TMEM259: variants seen among roughly 807,000 people sequenced by gnomAD.
TMEM259 encodes membralin.
A neutral mutation model predicts 46.7 loss-of-function variants in TMEM259; 26 were observed. The observed-to-expected ratio is 0.56, with a 90% CI of 0.41 to 0.77. The LOEUF is 0.77. Ranked by LOEUF, TMEM259 falls within the 30% of genes least tolerant of loss-of-function variation. The pLI, the probability that TMEM259 is intolerant of heterozygous loss-of-function variation, is 0.00. For synonymous variants in TMEM259, 494 were observed against 395.1 expected, an observed-to-expected ratio of 1.25 and a Z score of -2.97; for missense variants, 930 against 900.5, an observed-to-expected ratio of 1.03 and a Z score of -0.42.
chr19:1,015,269 C>A lies in TMEM259; in HGVS notation c.226-796G>T, dbSNP rs938419601. ...GGTGCCAGCAGCTCTCACCTGGGGG[C>A]TCCTGCCCAGGGGATGCTTGGGACA... On this transcript the variant is annotated intron_variant, in intron 1 of 10. Transcript: ENST00000356663. Among the ~76,000 whole-genome samples the A allele has an allele frequency of 2.0e-5, 3 of 152,240 alleles. No individual in the cohort carries two copies. The East Asian group carries it at 5.8e-4, about 29-fold the overall frequency.
In TMEM259 at chr19:1,010,470, C is replaced by T. The variant is rs760118582; in HGVS notation, c.1743G>A (p.Gln581=). The change falls in exon 11 of 11, where the codon CAG becomes CAA. Residue 581 remains glutamine (Q), a synonymous_variant. Transcript: ENST00000356663. ...CGGAGTCACTCGGGGGGACACTGTC[C>T]TGGGGGGCGTGGGGGAGGCCCCCAG... ...GPAGGLPHAP[Q]DSVPPSDSAA... 160 of 1,545,964 alleles carry T rather than the reference C, an allele frequency of 1.0e-4. No individual in the cohort carries two copies. Among genetic ancestry groups the T allele is most frequent in the Non-Finnish European group, 1.3e-4 (152 of 1,145,698 alleles).
At chr19:1,012,297 T>C in intron 4 of TMEM259, 109 bp from the exon 5 acceptor site, 1 of 1,507,468 alleles carries the variant, frequency 6.6e-7, no homozygotes, top group Non-Finnish European at 8.9e-7. Context: ...GCCCTGCCCA[T>C]TCTTAGGAAA....
rs1456322150 is a variant in TMEM259 at position 1,010,563 on chromosome 19, G to A, written c.1650C>T (p.Asp550=). Reference sequence around the variant, plus strand: ...CGCTCAGGCCGGACAGGAAGGAGGCGTCTGTGATGATGGCAGCGGTCTCTG... The same window carrying A: ...CGCTCAGGCCGGACAGGAAGGAGGCATCTGTGATGATGGCAGCGGTCTCTG... ...WMAETAAIIT[D]ASFLSGLSAS... Residue 550 remains aspartate (D), a synonymous_variant, in exon 11 of 11, where the codon GAC becomes GAT. Coordinates refer to ENST00000356663, the MANE Select transcript of TMEM259 (RefSeq NM_001033026.2). 39 of 1,549,416 alleles carry A rather than the reference G, an allele frequency of 2.5e-5. No individual in the cohort carries two copies. The highest frequency in any genetic ancestry group is 3.2e-5 in the Non-Finnish European group (37 of 1,147,782).
chr19:1,016,637 G>C (rs534807730), intron 1 of TMEM259, among the ~76,000 whole-genome samples: 136 of 152,318 alleles, frequency 8.9e-4, no homozygotes, highest in African/African-American at 3.2e-3. Flanking sequence ...GTTTATATAC[G>C]AGGAACTGAC....
intron 3 of TMEM259, among the ~76,000 whole-genome samples, 171 bp downstream of exon 3, chr19:1,013,070 C>T (rs761871553): frequency 4.6e-5 from 7 of 152,166 alleles, no homozygotes; most frequent in Non-Finnish European, 1.0e-4. Context: ...CTGGGGTGTC[C>T]CCACAGCCTC....
In TMEM259 at chr19:1,020,269, A is replaced by AG. The variant is rs1217694459; in HGVS notation, c.225+502dup. 2.0e-4 allele frequency among the ~76,000 whole-genome samples: 31 copies of AG among 151,834 alleles called. No homozygotes were observed. Among genetic ancestry groups the AG allele is most frequent in the African/African-American group, 7.5e-4 (31 of 41,266 alleles). ...GGAGTGGGGAGTCGACTTCCAGGACAGGGGTTGGTCCGAGGGAGACCTGCG... is the reference window on the plus strand; with the variant it reads ...GGAGTGGGGAGTCGACTTCCAGGACAGGGGGTTGGTCCGAGGGAGACCTGCG... On this transcript the variant is annotated intron_variant, in intron 1 of 10. Coordinates refer to ENST00000356663, the MANE Select transcript of TMEM259 (RefSeq NM_001033026.2). The surrounding 1 kb of genome is among the most constrained non-coding windows in gnomAD (Gnocchi z 4.0).
At position 1,020,823 on chromosome 19, in the gene TMEM259, C is replaced by T; in HGVS notation, c.174G>A (p.Arg58=). The part of the protein sequence containing the change: ...LFFKMAVTYS[R]LFPPAFRRLF... ...GACGGCGGAAGGCGGGCGGGAAGAG[C>T]CGCGAATAGGTGACAGCCATCTTGA... The change falls in exon 1 of 11, where the codon CGG becomes CGA. Residue 58 remains arginine, a synonymous_variant. Transcript: ENST00000356663. The surrounding 1 kb of genome is among the most constrained non-coding windows in gnomAD (Gnocchi z 4.0). 7.3e-7 allele frequency: 1 copy of T among 1,371,322 alleles called. No homozygotes were observed. Among genetic ancestry groups the T allele is most frequent in the Non-Finnish European group, 9.5e-7 (1 of 1,057,792 alleles). The allele number at this position is 1,371,322 out of a possible 1,614,324, so 84.9% of individuals were successfully genotyped here. A position where few individuals can be genotyped will look rare whatever the true frequency, so the allele number is the denominator to read the frequency against.
rs2039253432 is a variant in TMEM259 at position 1,020,449 on chromosome 19, G to A, written c.225+323C>T. 1.3e-5 allele frequency among the ~76,000 whole-genome samples: 2 copies of A among 148,628 alleles called. No individual in the cohort carries two copies. The highest frequency in any genetic ancestry group is 3.5e-3 in the Middle Eastern group (1 of 284). ...GGGTAGGTGGGGACCTGGGAAAGGC[G>A]GTCGCCGGGGACAGGATGGGCCCTG... On this transcript the variant is annotated intron_variant, in intron 1 of 10. Transcript: ENST00000356663. This position sits in a 1 kb window ranked among gnomAD's most constrained non-coding sequence, Gnocchi z 4.0.
chr19:1,015,996 C>T (rs12978770), intron 1 of TMEM259, among the ~76,000 whole-genome samples: 2,874 of 152,348 alleles, frequency 0.019, 56 homozygotes, highest in East Asian at 0.1. Flanking sequence ...GCACCTGGGG[C>T]GAGCCCCATC....
At chr19:1,019,364 G>A (rs1265039833) in intron 1 of TMEM259, among the ~76,000 whole-genome samples, 3 of 152,198 alleles carry the variant, frequency 2.0e-5, no homozygotes, top group African/African-American at 7.2e-5. Context: ...GAAAACCCAC[G>A]TCCACAGACC....
At position 1,011,726 on chromosome 19, in the gene TMEM259, C is replaced by A. The variant is rs747143632; in HGVS notation, c.1000+15G>T. 2.6e-6 allele frequency: 4 copies of A among 1,537,486 alleles called. No individual in the cohort carries two copies. In the South Asian group the frequency reaches 3.6e-5, roughly 14 times the overall value. On this transcript the variant is annotated intron_variant, in intron 7 of 10. Transcript: ENST00000356663. ...GGAGGACGCCCGCCCCGCCCTGCGCCGGCGGGACACTCACCGATGAAGACG... is the reference window on the plus strand; with the variant it reads ...GGAGGACGCCCGCCCCGCCCTGCGCAGGCGGGACACTCACCGATGAAGACG...
chr19:1,010,237 C>G lies in TMEM259; in HGVS notation c.*113G>C. On this transcript the variant is annotated 3_prime_UTR_variant, in exon 11 of 11. Coordinates refer to ENST00000356663, the MANE Select transcript of TMEM259 (RefSeq NM_001033026.2). ...AACCCCACGAAACCCTGAAAGCCCC[C>G]GACACAGGCTGGGCAGTCCCAGAGG... 9.3e-7 allele frequency: 1 copy of G among 1,071,440 alleles called. No homozygotes were observed. Among genetic ancestry groups the G allele is most frequent in the East Asian group, 3.0e-5 (1 of 33,142 alleles). 66.4% of individuals were successfully genotyped at this position (1,071,440 alleles called of 1,614,324 possible).
rs1335254556 is a variant in TMEM259, at chr19:1,016,996, G to A, written c.226-2523C>T. On this transcript the variant is annotated intron_variant, in intron 1 of 10. Transcript: ENST00000356663. ...CCCCATCAGGTGCTCCGTGCTGACCGAGCTCAGGGCCCCTCTTCCCTGACT... is the reference window on the plus strand; with the variant it reads ...CCCCATCAGGTGCTCCGTGCTGACCAAGCTCAGGGCCCCTCTTCCCTGACT... Among the ~76,000 whole-genome samples the A allele has an allele frequency of 3.3e-5, 5 of 152,166 alleles. No homozygotes were observed. The East Asian group carries it at 7.7e-4, about 23-fold the overall frequency.
intron 1 of TMEM259, among the ~76,000 whole-genome samples, chr19:1,016,151 C>T (rs1038810865): frequency 4.6e-5 from 7 of 152,148 alleles, no homozygotes; most frequent in Non-Finnish European, 1.0e-4. Flanking sequence ...GAACCCTGAC[C>T]GCCAGGCATT....
chr19:1,018,728 G>T (rs2039189531), intron 1 of TMEM259, among the ~76,000 whole-genome samples: 1 of 152,216 alleles, frequency 6.6e-6, no homozygotes, highest in South Asian at 2.1e-4. Flanking sequence ...GCTCACGCCT[G>T]TAATCCCAGC....
In TMEM259 at chr19:1,011,122, G is replaced by A. The variant is rs1470407381; in HGVS notation, c.1291C>T (p.Leu431=). The A allele has an allele frequency of 1.9e-6, 3 of 1,600,852 alleles. No homozygotes were observed. The highest frequency in any genetic ancestry group is 1.1e-5 in the South Asian group (1 of 89,060). The change falls in exon 10 of 11, where the codon CTG becomes TTG. Residue 431 remains leucine, a synonymous_variant. Coordinates refer to ENST00000356663, the MANE Select transcript of TMEM259 (RefSeq NM_001033026.2). ...TGGATGAAGAGCCAGGAGGTGACCA[G>A]GGCCAGGCTGCTATACTGCCCATTG... is the stretch of plus-strand genomic sequence containing the variant. ...RFNGQYSSLA[L]VTSWLFIQHS...
rs2144591112 is a variant in TMEM259 at position 1,020,572 on chromosome 19, T to C, written c.225+200A>G. On this transcript the variant is annotated intron_variant, in intron 1 of 10. Coordinates refer to ENST00000356663, the MANE Select transcript of TMEM259 (RefSeq NM_001033026.2). The surrounding 1 kb of genome is among the most constrained non-coding windows in gnomAD (Gnocchi z 4.0). ...GTGGACGTCCCCGGGCGGGATGGGG[T>C]CACGAGACGGTGTCCCTGGCCAATC... Among the ~76,000 whole-genome samples the C allele has an allele frequency of 6.6e-6, 1 of 151,720 alleles. No individual in the cohort carries two copies. The highest frequency in any genetic ancestry group is 2.1e-4 in the South Asian group (1 of 4,780).
chr19:1,020,737 TG>T lies in TMEM259; in HGVS notation c.225+34del. ...CAGACTTGGGGGTCGGGACAGCCGC[TG>T]GGGTCAAGGGTCGGGGGTCGGGGCC... is the stretch of plus-strand genomic sequence containing the variant. On this transcript the variant is annotated intron_variant, in intron 1 of 10. Transcript: ENST00000356663. This position sits in a 1 kb window ranked among gnomAD's most constrained non-coding sequence, Gnocchi z 4.0. 1 of 1,273,242 alleles carries T rather than the reference TG, an allele frequency of 7.9e-7. No homozygotes were observed. The highest frequency in any genetic ancestry group is 1.0e-6 in the Non-Finnish European group (1 of 1,001,692). The allele number at this position is 1,273,242 out of a possible 1,614,324, so 78.9% of individuals were successfully genotyped here. A position where few individuals can be genotyped will look rare whatever the true frequency, so the allele number is the denominator to read the frequency against.
chr19:1,009,667 A>C lies in TMEM259; in HGVS notation c.*683T>G, dbSNP rs2038829398. 3.2e-6 allele frequency: 4 copies of C among 1,248,352 alleles called. No individual in the cohort carries two copies. Among genetic ancestry groups the C allele is most frequent in the Non-Finnish European group, 4.2e-6 (4 of 963,760 alleles). The allele number at this position is 1,248,352 out of a possible 1,614,324, so 77.3% of individuals were successfully genotyped here. ...GCGCAGTGAGCCGCTGTCAACAGAC[A>C]GTTTATTCTATATACAAACACAATT... On this transcript the variant is annotated 3_prime_UTR_variant, in exon 11 of 11. Coordinates refer to ENST00000356663, the MANE Select transcript of TMEM259 (RefSeq NM_001033026.2).
Sources: gnomAD v4.1 joint callset for allele counts (sites outside exome capture counted in the v4.1 genomes callset) on GRCh38, gnomAD v4.1.1 for gene constraint, Gnocchi (gnomAD v3.1) non-coding constraint, MANE v1.5 for transcripts, NCBI Gene and HGNC (gene_info 2026-07-23, HGNC 2026-07-21) for gene names.